OPA1: variants seen among roughly 807,000 people sequenced by gnomAD.
OPA1 encodes the protein OPA1 mitochondrial dynamin like GTPase.
A neutral mutation model predicts 152.9 loss-of-function variants in OPA1; 59 were observed. The ratio of observed to expected loss-of-function variants is 0.39; its 90% CI spans 0.31 to 0.48. The LOEUF (loss-of-function observed/expected upper bound fraction) is 0.48, where lower values mean the gene tolerates loss of function less well. Among genes scored for constraint, OPA1 ranks in the 20% least tolerant of loss-of-function variants. The pLI is 0.96. For synonymous variants in OPA1, 400 were observed against 389.9 expected (o/e 1.03, Z -0.31); for missense variants, 1,008 against 1,216.8 (o/e 0.83, Z 2.55).
chr3:193,642,909 C>A (rs1404439601), intron 12 of OPA1, 64 bp downstream of exon 12: 1 of 1,563,590 alleles, frequency 6.4e-7, no homozygotes, highest in African/African-American at 1.4e-5. Flanking sequence ...TTATAAAAGA[C>A]AGTTAAAGAA....
At chr3:193,668,196 T>C in intron 29 of OPA1, 1 of 673,994 alleles carries the variant, frequency 1.5e-6, no homozygotes, top group Non-Finnish European at 2.5e-6. Context: ...TTTCGATATT[T>C]GTCACTTGCT....
At chr3:193,658,270 A>G (rs2109179016) in intron 23 of OPA1, among the ~76,000 whole-genome samples, 1 of 150,556 alleles carries the variant, frequency 6.6e-6, no homozygotes. Context: ...AAAAAGAAAG[A>G]AAACCATATT....
intron 28 of OPA1, 92 bp downstream of exon 28, chr3:193,666,481 C>T: frequency 9.6e-7 from 1 of 1,043,126 alleles, no homozygotes. Flanking sequence ...AAATACTTCC[C>T]AAAAGTAGAT....
chr3:193,689,346 G>A (rs975264457), intron 29 of OPA1, among the ~76,000 whole-genome samples: 1 of 152,094 alleles, frequency 6.6e-6, no homozygotes, highest in Admixed American at 6.5e-5. Flanking sequence ...TTACTTCCTG[G>A]TAACTTAGTT....
At chr3:193,684,141 A>G (rs1034822065) in intron 29 of OPA1, among the ~76,000 whole-genome samples, 7 of 152,290 alleles carry the variant, frequency 4.6e-5, no homozygotes, top group African/African-American at 9.6e-5. Flanking sequence ...AGATGATACA[A>G]TGAATCTAAT....
rs76076252 is a variant in OPA1, at chr3:193,657,057, T to C, written c.2179-23T>C. 6,174 of 1,598,452 alleles carry C rather than the reference T, an allele frequency of 3.9e-3. 81 individuals are homozygous for C. The highest frequency in any genetic ancestry group is 0.023 in the South Asian group (2,003 of 87,600). ...TGAAGTATGTAGTAATAATATGGCT[T>C]TTTTTCTTTCAAATAATTATAGGTT... On this transcript the variant is annotated intron_variant, in intron 22 of 30. Transcript: ENST00000361510.
chr3:193,650,364 C>T (rs889396874), intron 21 of OPA1, among the ~76,000 whole-genome samples: 8 of 152,246 alleles, frequency 5.3e-5, no homozygotes, highest in East Asian at 1.9e-4. Flanking sequence ...GTTATGTTAA[C>T]GCAAATATAA....
chr3:193,678,373 A>G (rs1056252518), intron 29 of OPA1, among the ~76,000 whole-genome samples: 10 of 152,084 alleles, frequency 6.6e-5, no homozygotes, highest in Admixed American at 5.9e-4. Flanking sequence ...ATTGTGGGAA[A>G]TTAGAAACTA....
intron 1 of OPA1, among the ~76,000 whole-genome samples, chr3:193,612,651 T>C (rs1728431405): frequency 6.6e-6 from 1 of 152,202 alleles, no homozygotes; most frequent in Admixed American, 6.5e-5. Flanking sequence ...TTAGTGAGGT[T>C]AACCCATTTT....
chr3:193,646,295 C>A (rs1417686220), intron 18 of OPA1, among the ~76,000 whole-genome samples: 1 of 152,110 alleles, frequency 6.6e-6, no homozygotes, highest in Non-Finnish European at 1.5e-5. Flanking sequence ...ATGTTTGTTC[C>A]TAGGTTAGTA....
intron 9 of OPA1, 81 bp downstream of exon 9, chr3:193,635,603 T>C (rs1732811114): frequency 1.2e-6 from 1 of 826,254 alleles, no homozygotes; most frequent in East Asian, 2.5e-5. Flanking sequence ...TCTAAGGAGC[T>C]GTAAAGTATT....
At chr3:193,651,305 G>T (rs1352082402) in intron 21 of OPA1, among the ~76,000 whole-genome samples, 1 of 152,130 alleles carries the variant, frequency 6.6e-6, no homozygotes, top group Non-Finnish European at 1.5e-5. Flanking sequence ...AATAATTTAG[G>T]CAAGATGTGA....
chr3:193,650,757 G>C (rs1011818922), intron 21 of OPA1, among the ~76,000 whole-genome samples: 12 of 152,048 alleles, frequency 7.9e-5, no homozygotes, highest in African/African-American at 2.9e-4. Context: ...GCATTTTTAC[G>C]CTGTGCCTGG....
At chr3:193,630,400 G>T (rs1731893745) in intron 7 of OPA1, among the ~76,000 whole-genome samples, 1 of 152,180 alleles carries the variant, frequency 6.6e-6, no homozygotes, top group African/African-American at 2.4e-5. Context: ...TCTAACAAAG[G>T]TTGTTATCTA....
In OPA1 at chr3:193,615,267, G is replaced by GA. The variant is rs111333949; in HGVS notation, c.351+228dup. 0.024 allele frequency among the ~76,000 whole-genome samples: 3,683 copies of GA among 152,278 alleles called. 159 individuals are homozygous for GA. The highest frequency in any genetic ancestry group is 0.085 in the African/African-American group (3,521 of 41,528). On this transcript the variant is annotated intron_variant, in intron 2 of 30. Coordinates refer to ENST00000361510, the MANE Select transcript of OPA1 (RefSeq NM_130837.3). ...CCTAGTGGAAGGAGCACAGGGCTGGGAATAGGAACACCTAGGTTTGATTTT... is the reference window on the plus strand; with the variant it reads ...CCTAGTGGAAGGAGCACAGGGCTGGGAAATAGGAACACCTAGGTTTGATTTT...
chr3:193,599,379 C>A (rs900486183), intron 1 of OPA1, among the ~76,000 whole-genome samples: 5 of 151,932 alleles, frequency 3.3e-5, no homozygotes, highest in Admixed American at 1.3e-4. Context: ...CAGCTCTGCA[C>A]CCTTCTTTCT....
intron 4 of OPA1, among the ~76,000 whole-genome samples, chr3:193,617,529 G>A (rs1387423220): frequency 6.6e-6 from 1 of 152,164 alleles, no homozygotes; most frequent in African/African-American, 2.4e-5. Context: ...GGGAAAAAAT[G>A]TATCACTTGT....
At chr3:193,667,038 T>C in intron 28 of OPA1, 132 bp from the exon 29 acceptor site, 1 of 633,676 alleles carries the variant, frequency 1.6e-6, no homozygotes. Context: ...AGATTTTCTA[T>C]GACTATGAAA....
intron 1 of OPA1, among the ~76,000 whole-genome samples, chr3:193,602,119 GGGAAAGCTGTCTGTAACCA>G (rs1302808150): frequency 2.0e-5 from 3 of 152,188 alleles, no homozygotes; most frequent in Non-Finnish European, 2.9e-5. Context: ...CTGTGATCTA[GGGAAAGCTGTCTGTAACCA>G]GGATGCTGTC....
Sources: gnomAD v4.1 joint callset for allele counts (sites outside exome capture counted in the v4.1 genomes callset) on GRCh38, gnomAD v4.1.1 for gene constraint, MANE v1.5 for transcripts, NCBI Gene and HGNC (gene_info 2026-07-23, HGNC 2026-07-21) for gene names.